The following AFDN variants were observed in gnomAD, a reference collection of about 807,000 sequenced individuals.
AFDN encodes afadin.
In AFDN, 68 loss-of-function variants were observed where a neutral mutation model predicts 216.6. The observed-to-expected ratio is 0.31, with a 90% CI of 0.26 to 0.38. AFDN has a LOEUF of 0.38. AFDN is among the 10% of genes least tolerant of loss of function. The pLI, the probability that AFDN is intolerant of heterozygous loss-of-function variation, is 1.00. For synonymous variants in AFDN, 868 were observed against 853.7 expected (o/e 1.02, Z -0.29); for missense variants, 2,136 against 2,342.0 (o/e 0.91, Z 1.82).
intron 23 of AFDN, among the ~76,000 whole-genome samples, chr6:167,935,324 G>A (rs1793854482): frequency 6.6e-6 from 1 of 152,198 alleles, no homozygotes; most frequent in Non-Finnish European, 1.5e-5. Flanking sequence ...TTCTGCCAGT[G>A]TGTGCTACAC....
chr6:167,948,501 C>A, intron 29 of AFDN, 23 bp downstream of exon 29: 8 of 1,602,576 alleles, frequency 5.0e-6, no homozygotes, highest in Non-Finnish European at 6.8e-6. Context: ...AGATTCCACA[C>A]ACTTTTCTCA....
intron 1 of AFDN, among the ~76,000 whole-genome samples, chr6:167,845,249 C>T (rs945568986): frequency 6.6e-6 from 1 of 152,044 alleles, no homozygotes; most frequent in African/African-American, 2.4e-5. Flanking sequence ...GTTTTATTCT[C>T]GTCAATTTTT....
chr6:167,927,479 A>G (rs906639221), intron 23 of AFDN, among the ~76,000 whole-genome samples: 1 of 152,196 alleles, frequency 6.6e-6, no homozygotes, highest in Non-Finnish European at 1.5e-5. Context: ...GAAATGCAGG[A>G]TTTAGAACAA....
chr6:167,946,766 A>T lies in AFDN; in HGVS notation c.3418A>T (p.Asn1140Tyr). 1 of 1,614,042 alleles carries T rather than the reference A, an allele frequency of 6.2e-7. No homozygotes were observed. Among genetic ancestry groups the T allele is most frequent in the Non-Finnish European group, 8.5e-7 (1 of 1,179,982 alleles). The change falls in exon 27 of 34, where the codon AAT becomes TAT. Residue 1140 changes from asparagine (N) to tyrosine (Y), a missense_variant. By Grantham distance (143) the Asn-to-Tyr change is moderately radical. This residue lies in a region of AFDN where 981 missense variants were observed against 966.0 expected (regional missense o/e 1.02). Transcript: ENST00000683244. The part of the protein sequence containing the change: ...RPKSEGFELY[N>Y]NSTQNGSPES... ...AAAGAGTGAAGGCTTTGAGCTCTAT[A>T]ATAATTCAACTCAAAATGGGTCTCC...
chr6:167,915,559 A>G (rs1410604326), intron 19 of AFDN, 126 bp downstream of exon 19: 8 of 1,109,574 alleles, frequency 7.2e-6, no homozygotes, highest in South Asian at 1.7e-5. Context: ...CGTATGTACA[A>G]ATAATGAAGT....
At chr6:167,926,379 A>G (rs1187428192) in intron 23 of AFDN, among the ~76,000 whole-genome samples, 1 of 152,266 alleles carries the variant, frequency 6.6e-6, no homozygotes, top group Non-Finnish European at 1.5e-5. Context: ...TGGTCTAACA[A>G]GTACACAGGC....
chr6:167,833,855 A>G (rs1399263852), intron 1 of AFDN, among the ~76,000 whole-genome samples: 2 of 152,218 alleles, frequency 1.3e-5, no homozygotes, highest in Non-Finnish European at 1.5e-5. Flanking sequence ...TGCTTAGTAT[A>G]AAATTCATAG....
chr6:167,880,542 GTTCT>G lies in AFDN; in HGVS notation c.897+30_897+33del, dbSNP rs566100946. ...GGTAAGGAACTTTATCAAATCAGTA[GTTCT>G]TTCTACTTCACATTTAAATGGTAGA... On this transcript the variant is annotated intron_variant, in intron 6 of 33. Coordinates refer to ENST00000683244, the MANE Select transcript of AFDN (RefSeq NM_001386888.1). 1.4e-4 allele frequency: 218 copies of G among 1,607,486 alleles called. 1 individual carries two copies. In the African/African-American group the frequency reaches 2.6e-3, roughly 20 times the overall value.
intron 23 of AFDN, among the ~76,000 whole-genome samples, chr6:167,935,739 A>G (rs1307881888): frequency 2.0e-5 from 3 of 152,152 alleles, no homozygotes; most frequent in African/African-American, 4.8e-5. Flanking sequence ...GGAGTTATCT[A>G]TAATATTGTG....
chr6:167,870,060 T>C (rs1784625562), intron 2 of AFDN, among the ~76,000 whole-genome samples: 1 of 152,200 alleles, frequency 6.6e-6, no homozygotes, highest in Non-Finnish European at 1.5e-5. Context: ...TATGAGATAA[T>C]TTGATTTACA....
chr6:167,839,746 T>C (rs1188341042), intron 1 of AFDN, among the ~76,000 whole-genome samples: 2 of 152,228 alleles, frequency 1.3e-5, no homozygotes, highest in South Asian at 4.1e-4. Flanking sequence ...AATTGACACA[T>C]GGTCTTTTTC....
intron 22 of AFDN, chr6:167,923,201 T>C (rs1159511247): frequency 1.6e-5 from 6 of 376,102 alleles, no homozygotes; most frequent in African/African-American, 6.3e-5. Flanking sequence ...AGAACACTTA[T>C]ACCCATGGTT....
chr6:167,924,911 C>G (rs1358379858), intron 22 of AFDN, 94 bp from the exon 23 acceptor site: 4 of 888,488 alleles, frequency 4.5e-6, no homozygotes, highest in Non-Finnish European at 5.7e-6. Flanking sequence ...CCCATTTGCT[C>G]CAGTGAACAT....
In AFDN at chr6:167,832,684, A is replaced by G. The variant is rs368021346; in HGVS notation, c.105+5447A>G. On this transcript the variant is annotated intron_variant, in intron 1 of 33. Transcript: ENST00000683244. The stretch of plus-strand genomic sequence containing the variant: ...AAGTTTTATACTTACAAATTTATGC[A>G]TGTATGTCATGAGTGAAACTCTTTT... 3.9e-3 allele frequency among the ~76,000 whole-genome samples: 596 copies of G among 152,338 alleles called. 3 individuals are homozygous for G. The highest frequency in any genetic ancestry group is 0.014 in the African/African-American group (573 of 41,568).
chr6:167,854,379 A>G (rs998721483), intron 1 of AFDN, among the ~76,000 whole-genome samples: 2 of 151,912 alleles, frequency 1.3e-5, no homozygotes, highest in Non-Finnish European at 2.9e-5. Context: ...TTTTTCCCCC[A>G]GTGTGTTACT....
At position 167,951,736 on chromosome 6, in the gene AFDN, T is replaced by G; in HGVS notation, c.4382T>G (p.Phe1461Cys). The change falls in exon 30 of 34, where the codon TTT becomes TGT. Residue 1461 changes from phenylalanine to cysteine, a missense_variant. By Grantham distance (205) the Phe-to-Cys change is radical. Transcript: ENST00000683244. This position sits in a 1 kb window ranked among gnomAD's most constrained non-coding sequence, Gnocchi z 7.1. Reference protein sequence around the residue: ...MRTQSLNPAPFSPLTAQQMKP... With the variant: ...MRTQSLNPAPCSPLTAQQMKP... ...ACTCAGTCCTTAAACCCTGCTCCGT[T>G]TTCTCCCCTGACTGCACAGCAGATG... The G allele has an allele frequency of 6.2e-7, 1 of 1,614,026 alleles. No homozygotes were observed. The highest frequency in any genetic ancestry group is 8.5e-7 in the Non-Finnish European group (1 of 1,180,000).
At chr6:167,836,572 C>T (rs551759036) in intron 1 of AFDN, among the ~76,000 whole-genome samples, 1 of 152,020 alleles carries the variant, frequency 6.6e-6, no homozygotes, top group Non-Finnish European at 1.5e-5. Flanking sequence ...TGTCAGAGTA[C>T]TGCATTTATA....
chr6:167,922,410 A>G (rs1325523348), intron 21 of AFDN, among the ~76,000 whole-genome samples: 1 of 147,640 alleles, frequency 6.8e-6, no homozygotes, highest in Non-Finnish European at 1.5e-5. Flanking sequence ...TTTGAATGTA[A>G]GTAGTTGAAC....
At chr6:167,919,918 T>A (rs1791563207) in intron 21 of AFDN, among the ~76,000 whole-genome samples, 2 of 152,238 alleles carry the variant, frequency 1.3e-5, no homozygotes, top group Non-Finnish European at 2.9e-5. Flanking sequence ...GAGTGTGATT[T>A]TTAATTTCAG....
Sources: allele counts gnomAD v4.1 joint callset (sites outside exome capture counted in the v4.1 genomes callset), GRCh38; gene constraint gnomAD v4.1.1; regional missense constraint gnomAD v4.1.1; non-coding constraint Gnocchi (gnomAD v3.1); transcripts MANE v1.5; gene names NCBI Gene and HGNC (gene_info 2026-07-23, HGNC 2026-07-21).